The following LYAR variants were observed in gnomAD, a reference collection of about 807,000 sequenced individuals.
LYAR encodes cell growth-regulating nucleolar protein.
LYAR carries 37 observed loss-of-function variants against 45.2 expected under a neutral mutation model. That is an observed-to-expected ratio of 0.82 (90% CI 0.63 to 1.08). The LOEUF (loss-of-function observed/expected upper bound fraction) is 1.08, where lower values mean the gene tolerates loss of function less well. Among genes scored for constraint, LYAR ranks in the 50% least tolerant of loss-of-function variants. The pLI, the probability that LYAR is intolerant of heterozygous loss-of-function variation, is 0.00. For missense variants in LYAR, 493 were observed against 451.0 expected (o/e 1.09, Z -0.84); for synonymous variants, 176 against 155.1 (o/e 1.14, Z -1.00).
intron 8 of LYAR, among the ~76,000 whole-genome samples, chr4:4,270,583 A>C (rs1718895721): frequency 6.6e-6 from 1 of 151,448 alleles, no homozygotes; most frequent in African/African-American, 2.4e-5. Context: ...ACCCCAAACA[A>C]CTCAAATTAG....
rs754952026 is a variant in LYAR at position 4,273,687 on chromosome 4, T to C, written c.833-18A>G. ...TGTTTCAACTAAGTATTTGGAAAGATTTTTTTTAAAGAAGATTTTGCATTT... is the reference window on the plus strand; with the variant it reads ...TGTTTCAACTAAGTATTTGGAAAGACTTTTTTTAAAGAAGATTTTGCATTT... On this transcript the variant is annotated intron_variant, in intron 7 of 9. Coordinates refer to ENST00000343470, the MANE Select transcript of LYAR (RefSeq NM_017816.3). 2.8e-5 allele frequency: 42 copies of C among 1,524,986 alleles called. No homozygotes were observed. The highest frequency in any genetic ancestry group is 6.9e-5 in the African/African-American group (5 of 72,340). 94.5% of individuals were successfully genotyped at this position (1,524,986 alleles called of 1,614,324 possible).
intron 4 of LYAR, 105 bp from the exon 5 acceptor site, chr4:4,279,854 T>A: frequency 1.5e-6 from 1 of 685,652 alleles, no homozygotes; most frequent in Non-Finnish European, 2.5e-6. Flanking sequence ...GTTCACGTTT[T>A]AAGCCCAGAT....
At chr4:4,285,568 G>T (rs1719578762) in intron 2 of LYAR, among the ~76,000 whole-genome samples, 1 of 152,242 alleles carries the variant, frequency 6.6e-6, no homozygotes, top group Non-Finnish European at 1.5e-5. Flanking sequence ...TAACTTATTA[G>T]TCACCAAGAA....
chr4:4,282,301 T>C (rs1719424748), intron 3 of LYAR, among the ~76,000 whole-genome samples: 1 of 152,138 alleles, frequency 6.6e-6, no homozygotes, highest in East Asian at 1.9e-4. Context: ...CAAAAACAGA[T>C]ATAAAATGGC....
At position 4,274,826 on chromosome 4, in the gene LYAR, T is replaced by C. The variant is rs141681344; in HGVS notation, c.430-57A>G. Reference sequence around the variant, plus strand: ...TTCATTTTAAATGTGTAAATAGAGTTGTCACGTTATTGCCTGGGCCTACTA... The same window carrying C: ...TTCATTTTAAATGTGTAAATAGAGTCGTCACGTTATTGCCTGGGCCTACTA... On this transcript the variant is annotated intron_variant, in intron 6 of 9. Transcript: ENST00000343470. The C allele has an allele frequency of 9.0e-5, 134 of 1,490,368 alleles. No individual in the cohort carries two copies. The African/African-American group carries it at 1.6e-3, about 18-fold the overall frequency. The allele number at this position is 1,490,368 out of a possible 1,614,324, so 92.3% of individuals were successfully genotyped here. A position where few individuals can be genotyped will look rare whatever the true frequency, so the allele number is the denominator to read the frequency against.
intron 9 of LYAR, 107 bp from the exon 10 acceptor site, chr4:4,268,130 C>T: frequency 9.2e-7 from 1 of 1,083,586 alleles, no homozygotes; most frequent in Non-Finnish European, 1.2e-6. Flanking sequence ...AAAAGAAACC[C>T]AGGAGCAAGC....
At chr4:4,269,592 G>A (rs1361179592) in intron 8 of LYAR, among the ~76,000 whole-genome samples, 1 of 152,002 alleles carries the variant, frequency 6.6e-6, no homozygotes, top group Non-Finnish European at 1.5e-5. Context: ...CCTCAGGTGT[G>A]GATGGAGGCT....
At chr4:4,278,962 A>G (rs1312629441) in intron 6 of LYAR, among the ~76,000 whole-genome samples, 1 of 152,100 alleles carries the variant, frequency 6.6e-6, no homozygotes. Context: ...GCTCTTCACA[A>G]TAAGGAAGTC....
rs747652826 is a variant in LYAR, at chr4:4,281,879, G to T, written c.141C>A (p.Asn47Lys). The T allele has an allele frequency of 6.2e-7, 1 of 1,613,920 alleles. No homozygotes were observed. The highest frequency in any genetic ancestry group is 1.1e-5 in the South Asian group (1 of 91,076). The change falls in exon 4 of 10, where the codon AAC becomes AAA. Residue 47 changes from asparagine (N) to lysine (K), a missense_variant. By Grantham distance (94) the Asn-to-Lys change is moderately conservative (BLOSUM62 0). Coordinates refer to ENST00000343470, the MANE Select transcript of LYAR (RefSeq NM_017816.3). ...GATCTTCACTTATGCATTTCACGTG[G>T]TTTTTATAGTCATCGCCCCTTTAAA... ...GKDFWGDDYKNHVKCISEDQK... is the reference protein window; with the variant it reads ...GKDFWGDDYKKHVKCISEDQK...
chr4:4,277,328 T>C (rs1218729900), intron 6 of LYAR, among the ~76,000 whole-genome samples: 4 of 151,968 alleles, frequency 2.6e-5, no homozygotes, highest in Non-Finnish European at 4.4e-5. Context: ...ATTATAGGCA[T>C]GAGCCACTGT....
intron 7 of LYAR, 149 bp downstream of exon 7, chr4:4,274,218 C>T (rs574594071): frequency 1.1e-6 from 1 of 897,822 alleles, no homozygotes; most frequent in African/African-American, 1.7e-5. Context: ...GCCTGGGCAA[C>T]AGAGCAAGAC....
intron 4 of LYAR, among the ~76,000 whole-genome samples, 187 bp downstream of exon 4, chr4:4,281,596 G>A (rs1292845947): frequency 6.6e-6 from 1 of 152,252 alleles, no homozygotes; most frequent in Non-Finnish European, 1.5e-5. Flanking sequence ...TGGGATTACA[G>A]GCGTGAGCCA....
chr4:4,278,114 C>T (rs1334734854), intron 6 of LYAR, among the ~76,000 whole-genome samples: 1 of 152,112 alleles, frequency 6.6e-6, no homozygotes, highest in Non-Finnish European at 1.5e-5. Flanking sequence ...ACAGAAATAA[C>T]CTTAAAAAAT....
At chr4:4,285,767 G>A (rs1435125029) in intron 2 of LYAR, among the ~76,000 whole-genome samples, 1 of 152,208 alleles carries the variant, frequency 6.6e-6, no homozygotes, top group African/African-American at 2.4e-5. Context: ...TGGGAGATGG[G>A]AGGAAGAAAG....
chr4:4,267,910 G>A lies in LYAR; in HGVS notation c.1119C>T (p.Asp373=), dbSNP rs1399902623. ...ATGTTCATTTCACAAGCTTGACTTTGTCCTTTAATAACTTAAAGGTAGGGT... is the reference window on the plus strand; with the variant it reads ...ATGTTCATTTCACAAGCTTGACTTTATCCTTTAATAACTTAAAGGTAGGGT... The part of the protein sequence containing the change: ...SKNPTFKLLK[D]KVKLVK Residue 373 remains aspartate, a synonymous_variant, in exon 10 of 10, where the codon GAC becomes GAT. Transcript: ENST00000343470. 6.2e-7 allele frequency: 1 copy of A among 1,611,410 alleles called. No individual in the cohort carries two copies. The highest frequency in any genetic ancestry group is 8.5e-7 in the Non-Finnish European group (1 of 1,179,058).
At chr4:4,277,378 G>C (rs1449745259) in intron 6 of LYAR, among the ~76,000 whole-genome samples, 3 of 152,104 alleles carry the variant, frequency 2.0e-5, no homozygotes, top group African/African-American at 7.2e-5. Flanking sequence ...GAGAGCCTGA[G>C]ACCCTGGCAT....
At chr4:4,272,655 C>T (rs1369332102) in intron 8 of LYAR, among the ~76,000 whole-genome samples, 1 of 152,200 alleles carries the variant, frequency 6.6e-6, no homozygotes, top group Non-Finnish European at 1.5e-5. Flanking sequence ...CAAGAGATCT[C>T]GCCATGCTGC....
At chr4:4,284,741 G>A (rs758860649) in intron 2 of LYAR, among the ~76,000 whole-genome samples, 1 of 152,160 alleles carries the variant, frequency 6.6e-6, no homozygotes, top group East Asian at 1.9e-4. Flanking sequence ...TTAATCACTA[G>A]ATTTTAAAAC....
rs1430755272 is a variant in LYAR at position 4,286,946 on chromosome 4, C to T, written c.-107-374G>A. The stretch of plus-strand genomic sequence containing the variant: ...GATTACAGGCGTGAGCCACCGCGCC[C>T]GGCCTTAATTAAATTTTAAATGATG... On this transcript the variant is annotated intron_variant, in intron 1 of 9. Coordinates refer to ENST00000343470, the MANE Select transcript of LYAR (RefSeq NM_017816.3). Among the ~76,000 whole-genome samples, 10 of 152,116 alleles carry T rather than the reference C, an allele frequency of 6.6e-5. No individual in the cohort carries two copies. In the South Asian group the frequency reaches 1.5e-3, roughly 22 times the overall value.
Sources: gnomAD v4.1 joint callset for allele counts (sites outside exome capture counted in the v4.1 genomes callset) on GRCh38, gnomAD v4.1.1 for gene constraint, MANE v1.5 for transcripts, NCBI Gene and HGNC (gene_info 2026-07-23, HGNC 2026-07-21) for gene names.